BCAS3: variants seen among roughly 807,000 people sequenced by gnomAD.
BCAS3 encodes BCAS3 microtubule associated cell migration factor, also known as BCAS4/BCAS3 fusion.
A neutral mutation model predicts 116.1 loss-of-function variants in BCAS3; 53 were observed. The observed-to-expected ratio is 0.46, with a 90% CI of 0.37 to 0.57. The LOEUF is 0.57. BCAS3 is among the 20% of genes least tolerant of loss of function. The pLI is 0.00. For missense variants in BCAS3, 917 were observed against 1,165.4 expected (o/e 0.79, Z 3.10); for synonymous variants, 391 against 408.2 (o/e 0.96, Z 0.51).
chr17:60,792,072 G>A (rs1180588226), intron 6 of BCAS3, among the ~76,000 whole-genome samples: 1 of 152,150 alleles, frequency 6.6e-6, no homozygotes, highest in Non-Finnish European at 1.5e-5. Context: ...GCAGTGAGCC[G>A]AGATCGTGCC....
rs376134744 is a variant in BCAS3, at chr17:60,749,415, A to T, written c.403+2136A>T. ...TGTTCCCAATGTTCTGAGACTTTGC[A>T]GCTTTGTGTCTTGATTCACACATTT... On this transcript the variant is annotated intron_variant, in intron 6 of 23. Coordinates refer to ENST00000407086, the MANE Select transcript of BCAS3 (RefSeq NM_017679.5). Among the ~76,000 whole-genome samples the T allele has an allele frequency of 1.1e-4, 16 of 152,250 alleles. 1 individual carries two copies. The highest frequency in any genetic ancestry group is 3.9e-4 in the African/African-American group (16 of 41,536).
Position 60,891,643 on chromosome 17 carries a change from A to C in BCAS3, c.738+1872A>C. On this transcript the variant is annotated intron_variant, in intron 10 of 23. Coordinates refer to ENST00000407086, the MANE Select transcript of BCAS3 (RefSeq NM_017679.5). ...TGCTCTTTGACTATAAAATCTTAAG[A>C]AGCCGTATATCTTTGTTTAGTTTTG... 3 of 453,602 alleles carry C rather than the reference A, an allele frequency of 6.6e-6. No homozygotes were observed. The East Asian group carries it at 2.1e-4, about 32-fold the overall frequency. The allele number at this position is 453,602 out of a possible 1,614,324, so 28.1% of individuals were successfully genotyped here. A position where few individuals can be genotyped will look rare whatever the true frequency, so the allele number is the denominator to read the frequency against.
At chr17:60,682,110 A>G (rs566257417) in intron 2 of BCAS3, among the ~76,000 whole-genome samples, 3 of 152,304 alleles carry the variant, frequency 2.0e-5, no homozygotes, top group Non-Finnish European at 4.4e-5. Context: ...TAAAATAATG[A>G]CAGGCTGTGA....
At position 61,324,888 on chromosome 17, in the gene BCAS3, T is replaced by C. The variant is rs1452969750; in HGVS notation, c.2426-43439T>C. ...CTGTGTGATCTCTGAAATTTCTCCA[T>C]GTTCAAAAGTCTAACCTTCGAAGAC... On this transcript the variant is annotated intron_variant, in intron 22 of 23. Transcript: ENST00000407086. The surrounding 1 kb of genome is among the most constrained non-coding windows in gnomAD (Gnocchi z 4.6). Among the ~76,000 whole-genome samples the C allele has an allele frequency of 6.6e-6, 1 of 151,636 alleles. No homozygotes were observed. The highest frequency in any genetic ancestry group is 1.5e-5 in the Non-Finnish European group (1 of 67,924).
rs1199603635 is a variant in BCAS3 at position 61,067,273 on chromosome 17, G to GTATATATATATATA, written c.2030-7617_2030-7604dup. Among the ~76,000 whole-genome samples the GTATATATATATATA allele has an allele frequency of 4.6e-3, 269 of 58,744 alleles. 2 individuals carry two copies. Among genetic ancestry groups the GTATATATATATATA allele is most frequent in the Non-Finnish European group, 5.1e-3 (178 of 34,842 alleles). The allele number at this position is 58,744 out of a possible 152,430, so 38.5% of individuals were successfully genotyped here. ...CATAACTTTATTTATGTGTGTATGTGTATATATATATATATATATATATAT... is the reference window on the plus strand; with the variant it reads ...CATAACTTTATTTATGTGTGTATGTGTATATATATATATATATATATATATATATATATATATAT... On this transcript the variant is annotated intron_variant, in intron 19 of 23. Transcript: ENST00000407086.
rs1443951627 is a variant in BCAS3 at position 61,098,063 on chromosome 17, G to A, written c.2425+13499G>A. Among the ~76,000 whole-genome samples, 4 of 152,154 alleles carry A rather than the reference G, an allele frequency of 2.6e-5. No homozygotes were observed. The East Asian group carries it at 7.7e-4, about 29-fold the overall frequency. On this transcript the variant is annotated intron_variant, in intron 22 of 23. Transcript: ENST00000407086. The surrounding 1 kb of genome is among the most constrained non-coding windows in gnomAD (Gnocchi z 4.2). ...ACTGGTCATTGGCTTTCCATTCCTGGCATTGATATGACTGAAAATTCTTAA... is the reference window on the plus strand; with the variant it reads ...ACTGGTCATTGGCTTTCCATTCCTGACATTGATATGACTGAAAATTCTTAA...
At chr17:60,754,818 A>G (rs1476155277) in intron 6 of BCAS3, among the ~76,000 whole-genome samples, 2 of 151,662 alleles carry the variant, frequency 1.3e-5, no homozygotes, top group Non-Finnish European at 1.5e-5. Flanking sequence ...TCACCAGTCT[A>G]TTGCAAAGAT....
At chr17:60,854,949 GT>G (rs1267985905) in intron 7 of BCAS3, among the ~76,000 whole-genome samples, 644 of 121,918 alleles carry the variant, frequency 5.3e-3, no homozygotes, top group African/African-American at 9.5e-3. Flanking sequence ...TTTCAGTGAG[GT>G]TTTTTTTTTT....
At position 61,392,398 on chromosome 17, in the gene BCAS3, T is replaced by C. The variant is rs879362060; in HGVS notation, c.*273T>C. ...CTGTGTATGTTTGCATATGACATCC[T>C]GCATTGGATCCGCTTTTGTATTTTT... On this transcript the variant is annotated 3_prime_UTR_variant, in exon 24 of 24. Transcript: ENST00000407086. This position sits in a 1 kb window ranked among gnomAD's most constrained non-coding sequence, Gnocchi z 6.4. 2.9e-5 allele frequency: 10 copies of C among 342,914 alleles called. No individual in the cohort carries two copies. Among genetic ancestry groups the C allele is most frequent in the Non-Finnish European group, 3.7e-5 (7 of 190,552 alleles). The allele number at this position is 342,914 out of a possible 1,614,324, so 21.2% of individuals were successfully genotyped here. A position where few individuals can be genotyped will look rare whatever the true frequency, so the allele number is the denominator to read the frequency against.
chr17:60,990,624 G>A lies in BCAS3; in HGVS notation c.1486+389G>A. Among the ~76,000 whole-genome samples, 1 of 151,246 alleles carries A rather than the reference G, an allele frequency of 6.6e-6. No homozygotes were observed. Among genetic ancestry groups the A allele is most frequent in the East Asian group, 1.9e-4 (1 of 5,172 alleles). On this transcript the variant is annotated intron_variant, in intron 15 of 23. Transcript: ENST00000407086. The surrounding 1 kb of genome is among the most constrained non-coding windows in gnomAD (Gnocchi z 5.1). The stretch of plus-strand genomic sequence containing the variant: ...TTGGAAAGAAATAGTCATGGGTAAT[G>A]TGTATTTTAGATAGAGCAGCATTTG...
At chr17:61,318,172 A>G (rs528369140) in intron 22 of BCAS3, among the ~76,000 whole-genome samples, 17 of 152,352 alleles carry the variant, frequency 1.1e-4, no homozygotes, top group Admixed American at 7.2e-4. Context: ...AGAACACACC[A>G]AAAAAGGATG....
chr17:61,167,184 G>A (rs1466098450), intron 22 of BCAS3, among the ~76,000 whole-genome samples: 2 of 152,166 alleles, frequency 1.3e-5, no homozygotes, highest in South Asian at 2.1e-4. Context: ...GAAAGATGAG[G>A]CATAAGTGCA....
chr17:60,976,749 G>C (rs1227588824), intron 14 of BCAS3, among the ~76,000 whole-genome samples: 3 of 152,160 alleles, frequency 2.0e-5, no homozygotes, highest in Non-Finnish European at 4.4e-5. Flanking sequence ...AGAGCACGGG[G>C]TTGGGGGTAA....
chr17:61,372,190 T>A (rs965162964), intron 23 of BCAS3, among the ~76,000 whole-genome samples: 1 of 152,158 alleles, frequency 6.6e-6, no homozygotes, highest in South Asian at 2.1e-4. Flanking sequence ...CTCTGTGTTT[T>A]CCTCATAGCC....
At chr17:60,807,857 GCTTTT>G (rs1474748104) in intron 6 of BCAS3, 142 bp from the exon 7 acceptor site, 2 of 532,196 alleles carry the variant, frequency 3.8e-6, no homozygotes, top group African/African-American at 2.0e-5. Context: ...TTATATAGTA[GCTTTT>G]CTTCTTTTTA....
chr17:60,867,113 TG>T (rs1369013563), intron 7 of BCAS3, among the ~76,000 whole-genome samples: 137 of 146,288 alleles, frequency 9.4e-4, no homozygotes, highest in South Asian at 3.4e-3. Flanking sequence ...TTTTTGTTTT[TG>T]TTTTTTTTTT....
At chr17:61,345,557 G>C (rs997745208) in intron 22 of BCAS3, among the ~76,000 whole-genome samples, 1 of 152,164 alleles carries the variant, frequency 6.6e-6, no homozygotes, top group Non-Finnish European at 1.5e-5. Context: ...GGAGCAGGGA[G>C]CGCCTAGCTG....
intron 10 of BCAS3, among the ~76,000 whole-genome samples, chr17:60,894,927 G>T (rs1047709117): frequency 1.3e-5 from 2 of 152,004 alleles, no homozygotes; most frequent in African/African-American, 2.4e-5. Context: ...CTTGATTGTG[G>T]TCTATTATAT....
At chr17:61,153,176 C>T (rs536865910) in intron 22 of BCAS3, among the ~76,000 whole-genome samples, 1 of 152,294 alleles carries the variant, frequency 6.6e-6, no homozygotes, top group Admixed American at 6.5e-5. Flanking sequence ...GTGGTAATCT[C>T]ACCTTTTATG....
Sources: gnomAD v4.1 joint callset for allele counts (sites outside exome capture counted in the v4.1 genomes callset) on GRCh38, gnomAD v4.1.1 for gene constraint, Gnocchi (gnomAD v3.1) non-coding constraint, MANE v1.5 for transcripts, NCBI Gene and HGNC (gene_info 2026-07-23, HGNC 2026-07-21) for gene names.